REL: variants seen among roughly 807,000 people sequenced by gnomAD.
The protein encoded by REL is proto-oncogene c-Rel.
In REL, 15 loss-of-function variants were observed where a neutral mutation model predicts 45.9. The observed-to-expected ratio is 0.33, with a 90% confidence interval of 0.22 to 0.50. REL has a LOEUF of 0.50. Ranked by LOEUF, REL falls within the 20% of genes least tolerant of loss-of-function variation. The pLI, the probability that REL is intolerant of heterozygous loss-of-function variation, is 0.98. For missense variants in REL, 601 were observed against 715.2 expected (o/e 0.84, Z 1.82); for synonymous variants, 239 against 242.1 (o/e 0.99, Z 0.12).
At chr2:60,886,843 T>C (rs1189285691) in intron 1 of REL, among the ~76,000 whole-genome samples, 1 of 152,226 alleles carries the variant, frequency 6.6e-6, no homozygotes, top group Non-Finnish European at 1.5e-5. Context: ...AACATAGATA[T>C]ATCTTACAAA....
intron 3 of REL, among the ~76,000 whole-genome samples, chr2:60,895,475 C>T (rs2103935683): frequency 6.6e-6 from 1 of 152,230 alleles, no homozygotes; most frequent in East Asian, 1.9e-4. Context: ...AGCTGCTGTG[C>T]CACGCCCATT....
rs70959877 is a variant in REL at position 60,923,043 on chromosome 2, C to CA, written c.*521dup. 2,941 of 84,522 alleles carry CA rather than the reference C, an allele frequency of 0.035. 6 individuals carry two copies. Among genetic ancestry groups the CA allele is most frequent in the East Asian group, 0.099 (490 of 4,942 alleles). 5.2% of individuals were successfully genotyped at this position (84,522 alleles called of 1,614,324 possible). ...TGGGTGACAGAGTGAGACTCTGTCT[C>CA]AAAAAAAAAAAAACAAAAAAAACAC... is the stretch of plus-strand genomic sequence containing the variant. On this transcript the variant is annotated 3_prime_UTR_variant, in exon 10 of 10. Coordinates refer to ENST00000394479, the MANE Select transcript of REL (RefSeq NM_001291746.2).
rs776701051 is a variant in REL, at chr2:60,891,830, T to C, written c.153+5T>C. ...CGAACATACCCTTCTATCCAGGTAA[T>C]AGACCCTTCTTCTGTGTCTATCTCA... On this transcript the variant is annotated splice_donor_5th_base_variant and intron_variant, in intron 2 of 9. Transcript: ENST00000394479. The C allele has an allele frequency of 8.1e-6, 13 of 1,609,138 alleles. No individual in the cohort carries two copies. Among genetic ancestry groups the C allele is most frequent in the Non-Finnish European group, 1.0e-5 (12 of 1,177,586 alleles).
chr2:60,902,497 A>T (rs945504721), intron 4 of REL, among the ~76,000 whole-genome samples: 2 of 150,214 alleles, frequency 1.3e-5, no homozygotes, highest in African/African-American at 4.9e-5. Flanking sequence ...ACTCAGGAAT[A>T]TACCTTAAAC....
At position 60,918,249 on chromosome 2, in the gene REL, C is replaced by A. The variant is rs1674037391; in HGVS notation, c.594C>A (p.Val198=). The change falls in exon 6 of 10, where the codon GTC becomes GTA. Residue 198 remains valine (V), a synonymous_variant. Coordinates refer to ENST00000394479, the MANE Select transcript of REL (RefSeq NM_001291746.2). ...ICRVNKNCGS[V]RGGDEIFLLC... is the part of the protein sequence containing the mutation. Reference sequence around the variant, plus strand: ...GTGTAAACAAGAATTGTGGAAGTGTCAGAGGAGGAGATGAAATATTTCTAC... The same window carrying A: ...GTGTAAACAAGAATTGTGGAAGTGTAAGAGGAGGAGATGAAATATTTCTAC... 6.2e-7 allele frequency: 1 copy of A among 1,609,256 alleles called. No homozygotes were observed. Among genetic ancestry groups the A allele is most frequent in the Non-Finnish European group, 8.5e-7 (1 of 1,176,916 alleles).
At chr2:60,884,667 C>T (rs1032136121) in intron 1 of REL, among the ~76,000 whole-genome samples, 1 of 152,054 alleles carries the variant, frequency 6.6e-6, no homozygotes, top group Non-Finnish European at 1.5e-5. Context: ...GCATATAGCT[C>T]TGTTAACTAA....
intron 3 of REL, among the ~76,000 whole-genome samples, chr2:60,898,124 C>T (rs1421655797): frequency 2.6e-5 from 4 of 152,182 alleles, no homozygotes; most frequent in Admixed American, 2.0e-4. Flanking sequence ...ACCACTATAG[C>T]CTAAACTGGG....
intron 3 of REL, among the ~76,000 whole-genome samples, chr2:60,894,802 G>T (rs567314622): frequency 1.3e-5 from 2 of 148,544 alleles, no homozygotes; most frequent in Admixed American, 6.7e-5. Flanking sequence ...TGTATACTGT[G>T]ATTTCCTTTC....
rs181119330 is a variant in REL, at chr2:60,891,882, T to C, written c.153+57T>C. 4 of 1,427,760 alleles carry C rather than the reference T, an allele frequency of 2.8e-6. No homozygotes were observed. The African/African-American group carries it at 5.8e-5, about 21-fold the overall frequency. 88.4% of individuals were successfully genotyped at this position (1,427,760 alleles called of 1,614,324 possible). A position where few individuals can be genotyped will look rare whatever the true frequency, so the allele number is the denominator to read the frequency against. On this transcript the variant is annotated intron_variant, in intron 2 of 9. Transcript: ENST00000394479. ...TATTAGTTGCTTCATATACTAGCTATAGCAATTATTTTAAAGGGCCAGTTT... is the reference window on the plus strand; with the variant it reads ...TATTAGTTGCTTCATATACTAGCTACAGCAATTATTTTAAAGGGCCAGTTT...
intron 8 of REL, 199 bp from the exon 9 acceptor site, chr2:60,920,375 A>C: frequency 1.6e-6 from 1 of 629,044 alleles, no homozygotes; most frequent in Non-Finnish European, 2.9e-6. Context: ...TAATTTTTGT[A>C]TTTTTAGTAG....
At chr2:60,892,911 C>A (rs1362181321) in intron 2 of REL, among the ~76,000 whole-genome samples, 1 of 151,996 alleles carries the variant, frequency 6.6e-6, no homozygotes, top group East Asian at 1.9e-4. Flanking sequence ...CCCCCTACCA[C>A]GCCCAGCTAA....
Position 60,928,002 on chromosome 2 carries a change from G to T in REL, c.*5467G>T. On this transcript the variant is annotated 3_prime_UTR_variant, in exon 10 of 10. Coordinates refer to ENST00000394479, the MANE Select transcript of REL (RefSeq NM_001291746.2). ...TAATACTTCAGGAAAACTCATGATG[G>T]TTTCCATGTTAAGAGAGACATGGAG... The T allele has an allele frequency of 4.8e-6, 1 of 208,644 alleles. No homozygotes were observed. Among genetic ancestry groups the T allele is most frequent in the East Asian group, 7.1e-5 (1 of 14,128 alleles). The allele number at this position is 208,644 out of a possible 1,614,324, so 12.9% of individuals were successfully genotyped here.
intron 2 of REL, among the ~76,000 whole-genome samples, chr2:60,892,710 G>A (rs545551314): frequency 2.0e-5 from 3 of 151,960 alleles, no homozygotes; most frequent in Non-Finnish European, 4.4e-5. Flanking sequence ...GATTATAGGC[G>A]TGAGCCACTG....
At chr2:60,889,057 C>T (rs145850825) in intron 1 of REL, among the ~76,000 whole-genome samples, 2 of 152,296 alleles carry the variant, frequency 1.3e-5, no homozygotes, top group African/African-American at 4.8e-5. Flanking sequence ...TTGATTTCAT[C>T]ACACATAAAA....
intron 4 of REL, among the ~76,000 whole-genome samples, chr2:60,906,909 A>ATATC (rs1553394389): frequency 1.0e-5 from 1 of 97,492 alleles, no homozygotes; most frequent in Non-Finnish European, 2.1e-5. Flanking sequence ...ATATATATAT[A>ATATC]TATATTTTTT....
chr2:60,892,054 G>T (rs918250523), intron 2 of REL, among the ~76,000 whole-genome samples: 1 of 151,760 alleles, frequency 6.6e-6, no homozygotes, highest in Admixed American at 6.6e-5. Context: ...TAGTTCTATG[G>T]TGCTTGTGTA....
At position 60,923,839 on chromosome 2, in the gene REL, C is replaced by A. The variant is rs1674206392; in HGVS notation, c.*1304C>A. ...CTACAGTCTGTTCCCCATAAAGTAG[C>A]CAGAATGATTATTTTTAAAACAAGT... is the stretch of plus-strand genomic sequence containing the variant. On this transcript the variant is annotated 3_prime_UTR_variant, in exon 10 of 10. Transcript: ENST00000394479. 1 of 232,792 alleles carries A rather than the reference C, an allele frequency of 4.3e-6. No individual in the cohort carries two copies. Among genetic ancestry groups the A allele is most frequent in the African/African-American group, 2.2e-5 (1 of 45,314 alleles). 14.4% of individuals were successfully genotyped at this position (232,792 alleles called of 1,614,324 possible). A position where few individuals can be genotyped will look rare whatever the true frequency, so the allele number is the denominator to read the frequency against.
intron 3 of REL, 187 bp from the exon 4 acceptor site, chr2:60,900,805 A>C: frequency 1.9e-6 from 1 of 516,164 alleles, no homozygotes. Context: ...TTACAGGCAC[A>C]AGCCACGCGC....
chr2:60,899,802 A>G (rs1673448700), intron 3 of REL: 2 of 152,356 alleles, frequency 1.3e-5, no homozygotes, highest in African/African-American at 4.8e-5. Flanking sequence ...TATGCTACAC[A>G]TATGCAAATT....
Sources: gnomAD v4.1 joint callset for allele counts (sites outside exome capture counted in the v4.1 genomes callset) on GRCh38, gnomAD v4.1.1 for gene constraint, MANE v1.5 for transcripts, NCBI Gene and HGNC (gene_info 2026-07-23, HGNC 2026-07-21) for gene names.